Variants in UST observed in about 807,000 individuals in gnomAD.
UST encodes uronyl 2-sulfotransferase.
Under a neutral mutation model 45.6 loss-of-function variants are expected in UST, and 21 were observed. The observed-to-expected ratio is 0.46, with a 90% CI of 0.33 to 0.66. UST has a LOEUF of 0.66. Among genes scored for constraint, UST ranks in the 30% least tolerant of loss-of-function variants. The pLI, the probability that UST is intolerant of heterozygous loss-of-function variation, is 0.02. For missense variants in UST, 463 were observed against 512.4 expected, an observed-to-expected ratio of 0.90 and a Z score of 0.93; for synonymous variants, 215 against 200.6, an observed-to-expected ratio of 1.07 and a Z score of -0.61.
At position 148,911,475 on chromosome 6, in the gene UST, C is replaced by T. The variant is rs568124471; in HGVS notation, c.291+24446C>T. Among the ~76,000 whole-genome samples the T allele has an allele frequency of 2.6e-5, 4 of 152,308 alleles. No homozygotes were observed. The South Asian group carries it at 6.2e-4, about 24-fold the overall frequency. The stretch of plus-strand genomic sequence containing the variant: ...ATCCTTATCCTGTTGACTGACGGAA[C>T]CTTTGTCTCCTTTTGGGAGGCAACT... On this transcript the variant is annotated intron_variant, in intron 2 of 7. Coordinates refer to ENST00000367463, the MANE Select transcript of UST (RefSeq NM_005715.3).
At chr6:149,034,306 A>G (rs1776196360) in intron 7 of UST, among the ~76,000 whole-genome samples, 1 of 152,228 alleles carries the variant, frequency 6.6e-6, no homozygotes, top group Non-Finnish European at 1.5e-5. Context: ...CGTATGTGCC[A>G]TTAGATCTGC....
chr6:148,940,902 C>T (rs1454822626), intron 2 of UST, among the ~76,000 whole-genome samples: 1 of 152,196 alleles, frequency 6.6e-6, no homozygotes, highest in African/African-American at 2.4e-5. Flanking sequence ...TGGAATTCCA[C>T]TCCACTTCTT....
intron 7 of UST, among the ~76,000 whole-genome samples, chr6:149,053,960 C>A (rs1394692108): frequency 6.6e-6 from 1 of 152,172 alleles, no homozygotes; most frequent in Non-Finnish European, 1.5e-5. Context: ...ATGAGCTTGG[C>A]AGGGTGGGAA....
intron 5 of UST, among the ~76,000 whole-genome samples, chr6:149,002,787 G>T (rs539143204): frequency 6.6e-6 from 1 of 152,144 alleles, no homozygotes; most frequent in Non-Finnish European, 1.5e-5. Flanking sequence ...GATTACAGGC[G>T]TGAGCCACTG....
At chr6:148,946,851 C>T (rs1030200909) in intron 3 of UST, among the ~76,000 whole-genome samples, 9 of 135,338 alleles carry the variant, frequency 6.7e-5, no homozygotes, top group Non-Finnish European at 1.3e-4. Flanking sequence ...AAGGTGCACT[C>T]ATTCATTTTT....
chr6:148,966,305 C>T (rs570532630), intron 5 of UST, among the ~76,000 whole-genome samples: 67 of 152,066 alleles, frequency 4.4e-4, no homozygotes, highest in African/African-American at 1.4e-3. Flanking sequence ...TTTGGTGAGA[C>T]GTGTATTCAG....
chr6:148,832,952 A>G (rs1223899311), intron 1 of UST, among the ~76,000 whole-genome samples: 1 of 152,226 alleles, frequency 6.6e-6, no homozygotes, highest in Non-Finnish European at 1.5e-5. Flanking sequence ...AGCCCATAGA[A>G]AAGCATGAGA....
Position 148,813,739 on chromosome 6 carries a change from C to T in UST, c.247+66062C>T, listed in dbSNP as rs148063263. 1.1e-3 allele frequency among the ~76,000 whole-genome samples: 163 copies of T among 152,264 alleles called. 1 individual carries two copies. Among genetic ancestry groups the T allele is most frequent in the African/African-American group, 3.9e-3 (161 of 41,548 alleles). ...TTACGAAATAGAATGTGTCCTTCAC[C>T]ATTTATGCTGAATTTCAGTTGTGCC... On this transcript the variant is annotated intron_variant, in intron 1 of 7. Coordinates refer to ENST00000367463, the MANE Select transcript of UST (RefSeq NM_005715.3).
At chr6:148,813,028 A>G (rs1777288085) in intron 1 of UST, among the ~76,000 whole-genome samples, 2 of 152,198 alleles carry the variant, frequency 1.3e-5, no homozygotes, top group African/African-American at 4.8e-5. Flanking sequence ...CCCCTTTTTC[A>G]TGTTAAGGTA....
intron 5 of UST, among the ~76,000 whole-genome samples, chr6:148,972,243 G>T (rs1178615956): frequency 6.6e-6 from 1 of 152,204 alleles, no homozygotes; most frequent in African/African-American, 2.4e-5. Flanking sequence ...AGCAAGAGTT[G>T]GGGTTGTTGG....
intron 1 of UST, among the ~76,000 whole-genome samples, chr6:148,750,991 T>A (rs571418736): frequency 6.6e-6 from 1 of 152,220 alleles, no homozygotes; most frequent in South Asian, 2.1e-4. Context: ...CAAATGTACA[T>A]GCTAAGGTCT....
At chr6:148,781,357 T>A (rs533250326) in intron 1 of UST, among the ~76,000 whole-genome samples, 12 of 152,160 alleles carry the variant, frequency 7.9e-5, no homozygotes, top group African/African-American at 2.9e-4. Context: ...AGCCACAACA[T>A]TGCGTTAAGC....
intron 2 of UST, among the ~76,000 whole-genome samples, chr6:148,911,453 C>T (rs1273778736): frequency 6.6e-6 from 1 of 152,170 alleles, no homozygotes; most frequent in Non-Finnish European, 1.5e-5. Context: ...CTTCTTTATC[C>T]TTATCCTGTT....
At chr6:148,904,087 G>A (rs1779313222) in intron 2 of UST, among the ~76,000 whole-genome samples, 1 of 152,200 alleles carries the variant, frequency 6.6e-6, no homozygotes, top group Non-Finnish European at 1.5e-5. Context: ...AATCATCAAA[G>A]CCTATAAAAT....
intron 2 of UST, among the ~76,000 whole-genome samples, chr6:148,894,481 G>A (rs1265541467): frequency 6.6e-6 from 1 of 152,170 alleles, no homozygotes; most frequent in East Asian, 1.9e-4. Flanking sequence ...TGCTGCCACA[G>A]ACCAAGGTAC....
At chr6:148,868,689 G>A (rs972732355) in intron 1 of UST, among the ~76,000 whole-genome samples, 2 of 152,082 alleles carry the variant, frequency 1.3e-5, no homozygotes, top group Admixed American at 1.3e-4. Context: ...CCCTGCCAGG[G>A]TTTTGAAAAT....
At chr6:148,933,726 G>A (rs140626289) in intron 2 of UST, among the ~76,000 whole-genome samples, 10 of 152,308 alleles carry the variant, frequency 6.6e-5, no homozygotes, top group African/African-American at 2.4e-4. Context: ...ATGGGCAAAG[G>A]CCAGTGAGAA....
At chr6:149,062,803 C>T (rs551716302) in intron 7 of UST, among the ~76,000 whole-genome samples, 2 of 152,292 alleles carry the variant, frequency 1.3e-5, no homozygotes, top group East Asian at 1.9e-4. Flanking sequence ...ACCTCTGGGG[C>T]CCTTGGTATC....
At chr6:148,822,796 A>G (rs1777491425) in intron 1 of UST, among the ~76,000 whole-genome samples, 1 of 152,238 alleles carries the variant, frequency 6.6e-6, no homozygotes, top group Non-Finnish European at 1.5e-5. Context: ...CAAAAATCTT[A>G]GTGGAAGAAC....
Sources: gnomAD v4.1 joint callset for allele counts (sites outside exome capture counted in the v4.1 genomes callset) on GRCh38, gnomAD v4.1.1 for gene constraint, MANE v1.5 for transcripts, NCBI Gene and HGNC (gene_info 2026-07-23, HGNC 2026-07-21) for gene names.